Variants in HADH observed in about 807,000 individuals in gnomAD.
HADH encodes the protein hydroxyacyl-CoA dehydrogenase.
Under a neutral mutation model 32.2 loss-of-function variants are expected in HADH, and 24 were observed. The ratio of observed to expected loss-of-function variants is 0.75; its 90% CI spans 0.54 to 1.05. HADH has a LOEUF of 1.05. HADH is among the 50% of genes least tolerant of loss of function. The pLI is 0.00. For synonymous variants in HADH, 139 were observed against 152.5 expected (o/e 0.91, Z 0.65); for missense variants, 350 against 397.1 (o/e 0.88, Z 1.01).
chr4:107,989,965 C>G lies in HADH; in HGVS notation c.33C>G (p.Ser11=), dbSNP rs1486331754. MAFVTRQFMR[S]VSSSSTASAS... Reference sequence around the variant, plus strand: ...TCGTCACCAGGCAGTTCATGCGTTCCGTGTCCTCCTCGTCCACCGCCTCGG... The same window carrying G: ...TCGTCACCAGGCAGTTCATGCGTTCGGTGTCCTCCTCGTCCACCGCCTCGG... The change falls in exon 1 of 8, where the codon TCC becomes TCG. Residue 11 remains serine, a synonymous_variant. Transcript: ENST00000309522. 47 of 1,612,996 alleles carry G rather than the reference C, an allele frequency of 2.9e-5. No individual in the cohort carries two copies. The highest frequency in any genetic ancestry group is 3.9e-5 in the Non-Finnish European group (46 of 1,179,628).
intron 3 of HADH, among the ~76,000 whole-genome samples, chr4:108,016,611 G>A (rs965299172): frequency 2.0e-5 from 3 of 152,292 alleles, no homozygotes; most frequent in Middle Eastern, 3.4e-3. Context: ...AAGATTGGTC[G>A]CTCTTGGTGA....
chr4:108,001,510 A>C (rs1735117510), intron 1 of HADH, among the ~76,000 whole-genome samples: 1 of 152,270 alleles, frequency 6.6e-6, no homozygotes, highest in African/African-American at 2.4e-5. Context: ...GATGAAGCCA[A>C]AGAACAGGCA....
At chr4:108,018,304 T>G (rs1735760970) in intron 3 of HADH, among the ~76,000 whole-genome samples, 2 of 152,212 alleles carry the variant, frequency 1.3e-5, no homozygotes, top group African/African-American at 2.4e-5. Context: ...GCCACACACA[T>G]TGTTATTGGA....
At position 108,019,473 on chromosome 4, in the gene HADH, C is replaced by T. The variant is rs184566960; in HGVS notation, c.420-67C>T. On this transcript the variant is annotated intron_variant, in intron 3 of 7. Coordinates refer to ENST00000309522, the MANE Select transcript of HADH (RefSeq NM_005327.7). ...TAAGCAGTCACCTTGTGCATTGCAT[C>T]CAAGAGTCATGCTGTTTTGAAAGAA... The T allele has an allele frequency of 4.6e-5, 66 of 1,448,898 alleles. No individual in the cohort carries two copies. In the African/African-American group the frequency reaches 6.8e-4, roughly 15 times the overall value. The allele number at this position is 1,448,898 out of a possible 1,614,324, so 89.8% of individuals were successfully genotyped here. A position where few individuals can be genotyped will look rare whatever the true frequency, so the allele number is the denominator to read the frequency against.
intron 6 of HADH, chr4:108,032,363 G>A: frequency 6.3e-7 from 1 of 1,599,290 alleles, no homozygotes; most frequent in Non-Finnish European, 8.6e-7. Flanking sequence ...TCGGGTTTGG[G>A]CTTTTCTTTA....
At chr4:107,991,408 A>G (rs1382840523) in intron 1 of HADH, among the ~76,000 whole-genome samples, 1 of 152,002 alleles carries the variant, frequency 6.6e-6, no homozygotes, top group Non-Finnish European at 1.5e-5. Flanking sequence ...AAACAAAAAA[A>G]CCTTTTACTA....
chr4:108,009,788 G>A lies in HADH; in HGVS notation c.162G>A (p.Val54=), dbSNP rs1158325369. 2 of 1,612,242 alleles carry A rather than the reference G, an allele frequency of 1.2e-6. No homozygotes were observed. Among genetic ancestry groups the A allele is most frequent in the Non-Finnish European group, 1.7e-6 (2 of 1,178,280 alleles). ...CTGCAGCAACTGGTCACACAGTAGT[G>A]TTGGTAGACCAGACAGAGGACATCC... ...QVAAATGHTV[V]LVDQTEDILA... is the part of the protein sequence containing the mutation. The change falls in exon 2 of 8, where the codon GTG becomes GTA. Residue 54 remains valine, a synonymous_variant. Coordinates refer to ENST00000309522, the MANE Select transcript of HADH (RefSeq NM_005327.7).
At chr4:108,004,657 G>A (rs1231911889) in intron 1 of HADH, 1 of 1,517,336 alleles carries the variant, frequency 6.6e-7, no homozygotes, top group Non-Finnish European at 8.8e-7. Context: ...TTCCATATCT[G>A]TCATAGGAAA....
At position 108,034,885 on chromosome 4, in the gene HADH, TA is replaced by T; in HGVS notation, c.*529del. ...TTGGGCATGACATAAGATGTGTCTT[TA>T]TTCAGCTCGTCGTGAAGATGCTGCT... On this transcript the variant is annotated 3_prime_UTR_variant, in exon 8 of 8. Coordinates refer to ENST00000309522, the MANE Select transcript of HADH (RefSeq NM_005327.7). The T allele has an allele frequency of 4.7e-6, 1 of 213,920 alleles. No individual in the cohort carries two copies. The highest frequency in any genetic ancestry group is 9.6e-6 in the Non-Finnish European group (1 of 104,658). The allele number at this position is 213,920 out of a possible 1,614,324, so 13.3% of individuals were successfully genotyped here.
intron 4 of HADH, among the ~76,000 whole-genome samples, chr4:108,021,006 T>G (rs1415336763): frequency 6.6e-6 from 1 of 152,230 alleles, no homozygotes; most frequent in Admixed American, 6.5e-5. Context: ...GCAATGGGAC[T>G]TTTTCTGTCT....
In HADH at chr4:108,019,524, T is replaced by C; in HGVS notation, c.420-16T>C. 2 of 1,611,464 alleles carry C rather than the reference T, an allele frequency of 1.2e-6. No homozygotes were observed. Among genetic ancestry groups the C allele is most frequent in the South Asian group, 1.1e-5 (1 of 91,014 alleles). The stretch of plus-strand genomic sequence containing the variant: ...GAGATTCACTCTGATACTCCCACTA[T>C]ATTTTCTCTTCACAGACATACAATC... On this transcript the variant is annotated splice_polypyrimidine_tract_variant and intron_variant, in intron 3 of 7. Transcript: ENST00000309522.
In HADH at chr4:108,027,452, T is replaced by C; in HGVS notation, c.637-236T>C. The C allele has an allele frequency of 5.2e-6, 3 of 573,818 alleles. No homozygotes were observed. In the South Asian group the frequency reaches 5.8e-5, roughly 11 times the overall value. The allele number at this position is 573,818 out of a possible 1,614,324, so 35.5% of individuals were successfully genotyped here. On this transcript the variant is annotated intron_variant, in intron 5 of 7. Transcript: ENST00000309522. Reference sequence around the variant, plus strand: ...ACACCTGTGCCTTGATCTGTCTTTATGTCAGGATCTGTGCAGTGGGGCATC... The same window carrying C: ...ACACCTGTGCCTTGATCTGTCTTTACGTCAGGATCTGTGCAGTGGGGCATC...
chr4:108,005,837 G>A lies in HADH; in HGVS notation c.133-3922G>A, dbSNP rs544678592. ...TTCAGTTGGTTGTGGAGTCTTTCAC[G>A]GAATTTCTTCTCTAGGAGATTCAAG... On this transcript the variant is annotated intron_variant, in intron 1 of 7. Coordinates refer to ENST00000309522, the MANE Select transcript of HADH (RefSeq NM_005327.7). Among the ~76,000 whole-genome samples, 9 of 152,258 alleles carry A rather than the reference G, an allele frequency of 5.9e-5. No homozygotes were observed. The South Asian group carries it at 1.7e-3, about 28-fold the overall frequency.
intron 1 of HADH, among the ~76,000 whole-genome samples, chr4:107,998,629 G>T (rs1464835660): frequency 6.6e-6 from 1 of 152,172 alleles, no homozygotes; most frequent in Non-Finnish European, 1.5e-5. Context: ...GAGGCCAAGA[G>T]AAGGGCTGGA....
intron 6 of HADH, chr4:108,028,772 G>A (rs1736153512): frequency 5.1e-6 from 2 of 394,424 alleles, no homozygotes; most frequent in African/African-American, 2.1e-5. Context: ...TTAACAAAAT[G>A]TAATGTTTTA....
At chr4:107,992,991 C>T (rs1231443711) in intron 1 of HADH, among the ~76,000 whole-genome samples, 15 of 152,172 alleles carry the variant, frequency 9.9e-5, no homozygotes, top group Admixed American at 9.8e-4. Context: ...TGGCATGTGC[C>T]TGTGGTCCCA....
At chr4:107,990,605 T>C (rs17038286) in intron 1 of HADH, among the ~76,000 whole-genome samples, 3,086 of 152,286 alleles carry the variant, frequency 0.02, 102 homozygotes, top group African/African-American at 0.068. Flanking sequence ...AGAATAGTAG[T>C]AGTCATGACT....
intron 1 of HADH, among the ~76,000 whole-genome samples, chr4:107,993,627 C>G (rs1005808117): frequency 2.6e-5 from 4 of 152,182 alleles, no homozygotes; most frequent in Non-Finnish European, 5.9e-5. Flanking sequence ...CAATTTAAGA[C>G]AAGTTCAGTG....
chr4:108,034,212 C>G, intron 7 of HADH, 27 bp from the exon 8 acceptor site: 1 of 1,396,710 alleles, frequency 7.2e-7, no homozygotes, highest in Non-Finnish European at 1.0e-6. Flanking sequence ...GCACTTCATC[C>G]TGAGTTCTCT....
Sources: allele counts gnomAD v4.1 joint callset (sites outside exome capture counted in the v4.1 genomes callset), GRCh38; gene constraint gnomAD v4.1.1; transcripts MANE v1.5; gene names NCBI Gene and HGNC (gene_info 2026-07-23, HGNC 2026-07-21).